CNTNAP2: variants seen among roughly 807,000 people sequenced by gnomAD.
CNTNAP2 encodes the protein contactin-associated protein-like 2.
A neutral mutation model predicts 155.2 loss-of-function variants in CNTNAP2; 98 were observed. The ratio of observed to expected loss-of-function variants is 0.63; its 90% CI spans 0.54 to 0.75. CNTNAP2 has a LOEUF of 0.75. CNTNAP2 is among the 30% of genes least tolerant of loss of function. CNTNAP2 has a pLI of 0.00. For synonymous variants in CNTNAP2, 651 were observed against 631.2 expected, an observed-to-expected ratio of 1.03 and a Z score of -0.47; for missense variants, 1,727 against 1,688.1, an observed-to-expected ratio of 1.02 and a Z score of -0.40.
chr7:146,889,827 AT>A (rs1443417781), intron 3 of CNTNAP2, among the ~76,000 whole-genome samples: 1 of 151,866 alleles, frequency 6.6e-6, no homozygotes, highest in Non-Finnish European at 1.5e-5. Context: ...ATCAATCCCC[AT>A]GTCTTTCTTG....
Position 147,233,047 on chromosome 7 carries a change from C to T in CNTNAP2, c.1349-67094C>T, listed in dbSNP as rs538541848. The stretch of plus-strand genomic sequence containing the variant: ...ACATGGGCTTTTCAGATTGATTCTA[C>T]CTAAAGAAAATCAAAACGAAGGTTT... On this transcript the variant is annotated intron_variant, in intron 8 of 23. Coordinates refer to ENST00000361727, the MANE Select transcript of CNTNAP2 (RefSeq NM_014141.6). Among the ~76,000 whole-genome samples, 113 of 152,206 alleles carry T rather than the reference C, an allele frequency of 7.4e-4. 1 individual carries two copies. Among genetic ancestry groups the T allele is most frequent in the African/African-American group, 2.4e-3 (101 of 41,524 alleles).
intron 13 of CNTNAP2, among the ~76,000 whole-genome samples, chr7:147,655,963 G>A (rs151254860): frequency 0.017 from 2,530 of 152,306 alleles, 220 homozygotes; most frequent in Admixed American, 0.15. Flanking sequence ...TACCTTAGCT[G>A]GAACTTCTAG....
chr7:148,148,063 AAAGGAAGG>A (rs199717284), intron 17 of CNTNAP2, among the ~76,000 whole-genome samples: 5 of 151,134 alleles, frequency 3.3e-5, no homozygotes, highest in African/African-American at 9.7e-5. Flanking sequence ...GTGTGGAAGG[AAAGGAAGG>A]AAGGAAGGAA....
chr7:147,516,598 A>G (rs1554400802), intron 11 of CNTNAP2, among the ~76,000 whole-genome samples: 1 of 137,232 alleles, frequency 7.3e-6, no homozygotes, highest in Non-Finnish European at 1.6e-5. Context: ...ATGTATGTGT[A>G]TGAGACAGAG....
chr7:147,230,456 C>T (rs1432720794), intron 8 of CNTNAP2, among the ~76,000 whole-genome samples: 3 of 152,064 alleles, frequency 2.0e-5, no homozygotes, highest in Non-Finnish European at 4.4e-5. Flanking sequence ...CGGGGTTTTG[C>T]CATGTTGGCC....
chr7:148,345,904 C>T (rs1798318890), intron 21 of CNTNAP2, among the ~76,000 whole-genome samples: 1 of 152,018 alleles, frequency 6.6e-6, no homozygotes. Flanking sequence ...CTTAGCAACT[C>T]CTATATGAAA....
rs796373779 is a variant in CNTNAP2 at position 148,038,668 on chromosome 7, T to C, written c.2383+60679T>C. 3.3e-5 allele frequency among the ~76,000 whole-genome samples: 5 copies of C among 152,342 alleles called. 1 individual carries two copies. Among genetic ancestry groups the C allele is most frequent in the African/African-American group, 1.2e-4 (5 of 41,586 alleles). ...TGGTACCCATTAAATGTTTCTTTAA[T>C]TGGATTTATGTAAGAGCTTAAGAGT... is the stretch of plus-strand genomic sequence containing the variant. On this transcript the variant is annotated intron_variant, in intron 15 of 23. Transcript: ENST00000361727.
At chr7:147,758,712 G>T (rs1341312727) in intron 13 of CNTNAP2, among the ~76,000 whole-genome samples, 1 of 152,072 alleles carries the variant, frequency 6.6e-6, no homozygotes, top group African/African-American at 2.4e-5. Context: ...GGGCATGGTG[G>T]TGTATGACTG....
intron 20 of CNTNAP2, among the ~76,000 whole-genome samples, chr7:148,238,677 G>C (rs1279530038): frequency 1.3e-5 from 2 of 152,170 alleles, no homozygotes; most frequent in East Asian, 3.9e-4. Flanking sequence ...GTTAAGGCTA[G>C]TGTTTTTACA....
chr7:147,950,048 G>T (rs1165288101), intron 14 of CNTNAP2, among the ~76,000 whole-genome samples: 1 of 152,086 alleles, frequency 6.6e-6, no homozygotes, highest in East Asian at 1.9e-4. Context: ...AAAGGCTTGG[G>T]GAGAAAGGGA....
At chr7:147,128,080 A>G (rs539596706) in intron 6 of CNTNAP2, among the ~76,000 whole-genome samples, 5 of 152,260 alleles carry the variant, frequency 3.3e-5, no homozygotes, top group Non-Finnish European at 5.9e-5. Context: ...AAGACCTATA[A>G]TATCTTTAAG....
intron 1 of CNTNAP2, among the ~76,000 whole-genome samples, chr7:146,136,497 A>G (rs1434321296): frequency 6.6e-6 from 1 of 152,172 alleles, no homozygotes; most frequent in African/African-American, 2.4e-5. Flanking sequence ...AAGAGGGAGT[A>G]GAGCACACCT....
chr7:146,450,139 A>G (rs575309997), intron 1 of CNTNAP2, among the ~76,000 whole-genome samples: 62 of 152,362 alleles, frequency 4.1e-4, no homozygotes, highest in Middle Eastern at 3.4e-3. Flanking sequence ...AACAACAACA[A>G]CAAAGGTAAT....
At chr7:146,588,056 T>G (rs1029007978) in intron 1 of CNTNAP2, among the ~76,000 whole-genome samples, 21 of 150,996 alleles carry the variant, frequency 1.4e-4, no homozygotes, top group Admixed American at 7.9e-4. Flanking sequence ...TATTAGAAAA[T>G]AGATGCTTTA....
At chr7:147,369,353 G>T (rs1458013991) in intron 9 of CNTNAP2, among the ~76,000 whole-genome samples, 4 of 152,176 alleles carry the variant, frequency 2.6e-5, no homozygotes, top group Admixed American at 2.6e-4. Context: ...TGTCTCATTT[G>T]TTTTTGGTGC....
intron 20 of CNTNAP2, among the ~76,000 whole-genome samples, chr7:148,249,774 C>T (rs899054497): frequency 5.9e-5 from 9 of 152,142 alleles, no homozygotes; most frequent in South Asian, 2.1e-4. Context: ...AGCTCACATC[C>T]GGTTTTTCAG....
intron 12 of CNTNAP2, among the ~76,000 whole-genome samples, chr7:147,617,650 G>A (rs1390293987): frequency 6.6e-6 from 1 of 152,064 alleles, no homozygotes; most frequent in African/African-American, 2.4e-5. Flanking sequence ...AAGAGATGCA[G>A]GGTAGTAAGG....
chr7:146,289,135 C>A (rs1252779346), intron 1 of CNTNAP2, among the ~76,000 whole-genome samples: 2 of 152,110 alleles, frequency 1.3e-5, no homozygotes, highest in African/African-American at 2.4e-5. Flanking sequence ...TATGCCTGAC[C>A]ACTCCCTCAG....
chr7:146,232,841 G>A (rs755283392), intron 1 of CNTNAP2, among the ~76,000 whole-genome samples: 4 of 151,982 alleles, frequency 2.6e-5, no homozygotes, highest in Non-Finnish European at 5.9e-5. Flanking sequence ...GACATTTGAC[G>A]TTGACAAAAA....
Sources: allele counts gnomAD v4.1 joint callset (sites outside exome capture counted in the v4.1 genomes callset), GRCh38; gene constraint gnomAD v4.1.1; transcripts MANE v1.5; gene names NCBI Gene and HGNC (gene_info 2026-07-23, HGNC 2026-07-21).